The following UTRN variants were observed in gnomAD, a reference collection of about 807,000 sequenced individuals.
UTRN encodes the protein utrophin.
UTRN carries 283 observed loss-of-function variants against 463.9 expected under a neutral mutation model. That is an observed-to-expected ratio of 0.61 (90% confidence interval 0.55 to 0.67). The LOEUF is 0.67. Among genes scored for constraint, UTRN ranks in the 30% least tolerant of loss-of-function variants. The pLI is 0.00. For missense variants in UTRN, 3,922 were observed against 4,084.3 expected (o/e 0.96, Z 1.08); for synonymous variants, 1,442 against 1,431.5 (o/e 1.01, Z -0.17).
intron 51 of UTRN, among the ~76,000 whole-genome samples, chr6:144,657,909 T>C (rs897997847): frequency 1.3e-5 from 2 of 152,126 alleles, no homozygotes; most frequent in African/African-American, 2.4e-5. Context: ...GTGGTGGTGA[T>C]GGTGCTGGTG....
At chr6:144,846,211 G>A (rs899526938) in intron 73 of UTRN, among the ~76,000 whole-genome samples, 3 of 152,230 alleles carry the variant, frequency 2.0e-5, no homozygotes, top group Admixed American at 1.3e-4. Context: ...TGTGTGGAAA[G>A]GAGAATTAGA....
chr6:144,333,924 C>T (rs1407895753), intron 2 of UTRN, among the ~76,000 whole-genome samples: 2 of 152,052 alleles, frequency 1.3e-5, no homozygotes, highest in Admixed American at 1.3e-4. Context: ...AATATTTATC[C>T]ACCCACCTAC....
intron 54 of UTRN, among the ~76,000 whole-genome samples, chr6:144,743,584 C>A (rs1284778872): frequency 6.6e-6 from 1 of 152,148 alleles, no homozygotes; most frequent in Non-Finnish European, 1.5e-5. Context: ...CTGGGCAGGT[C>A]AAGTAACTGG....
In UTRN at chr6:144,678,390, G is replaced by A. The variant is rs372191758; in HGVS notation, c.7480-16G>A. The A allele has an allele frequency of 1.9e-6, 3 of 1,605,634 alleles. No individual in the cohort carries two copies. The highest frequency in any genetic ancestry group is 2.6e-6 in the Non-Finnish European group (3 of 1,174,888). On this transcript the variant is annotated splice_polypyrimidine_tract_variant and intron_variant, in intron 51 of 74. Transcript: ENST00000367545. ...TTCCTAACACTTGCATTATCTATTT[G>A]CTTTTTTCTGTTTAGGACATCCAGG... is the stretch of plus-strand genomic sequence containing the variant.
intron 51 of UTRN, among the ~76,000 whole-genome samples, chr6:144,599,335 G>A (rs1294233067): frequency 1.3e-5 from 2 of 152,144 alleles, no homozygotes; most frequent in African/African-American, 2.4e-5. Context: ...TCTTTAAGAG[G>A]TTAAACAAAT....
chr6:144,305,044 G>A (rs1805598649), intron 2 of UTRN, among the ~76,000 whole-genome samples: 1 of 151,216 alleles, frequency 6.6e-6, no homozygotes, highest in Non-Finnish European at 1.5e-5. Flanking sequence ...CAATTCTTGT[G>A]CCTCAGCCAC....
rs1792712863 is a variant in UTRN, at chr6:144,488,573, A to G, written c.3973-100A>G. ...TTTATAAAGAAAGCTAAAGTCTTGG[A>G]TGAAAGCTTTTATGGTCTTTTCTTA... On this transcript the variant is annotated intron_variant, in intron 29 of 74. Coordinates refer to ENST00000367545, the MANE Select transcript of UTRN (RefSeq NM_007124.3). 1.4e-5 allele frequency: 16 copies of G among 1,179,716 alleles called. 1 individual carries two copies. The highest frequency in any genetic ancestry group is 1.7e-5 in the Non-Finnish European group (15 of 866,594). 73.1% of individuals were successfully genotyped at this position (1,179,716 alleles called of 1,614,324 possible).
At chr6:144,791,142 CT>C (rs1776723620) in intron 62 of UTRN, among the ~76,000 whole-genome samples, 1 of 152,206 alleles carries the variant, frequency 6.6e-6, no homozygotes, top group African/African-American at 2.4e-5. Flanking sequence ...CTTCACCACT[CT>C]GATTCCAGTT....
intron 26 of UTRN, among the ~76,000 whole-genome samples, chr6:144,480,377 A>T (rs942342238): frequency 6.6e-6 from 1 of 152,328 alleles, no homozygotes; most frequent in African/African-American, 2.4e-5. Context: ...CATTAATTGC[A>T]TTCATCACTA....
In UTRN at chr6:144,744,620, CACACACACAT is replaced by C. The variant is rs1426106000; in HGVS notation, c.7940-3616_7940-3607del. ...GACAGGGCATACACACACACACACA[CACACACACAT>C]ACACACACACACACACACACACTTT... On this transcript the variant is annotated intron_variant, in intron 54 of 74. Transcript: ENST00000367545. Among the ~76,000 whole-genome samples, 1,482 of 62,294 alleles carry C rather than the reference CACACACACAT, an allele frequency of 0.024. 47 individuals are homozygous for C. The East Asian group carries it at 0.45, about 19-fold the overall frequency. 40.9% of individuals were successfully genotyped at this position (62,294 alleles called of 152,430 possible). A position where few individuals can be genotyped will look rare whatever the true frequency, so the allele number is the denominator to read the frequency against.
At chr6:144,630,469 C>T (rs367960862) in intron 51 of UTRN, among the ~76,000 whole-genome samples, 40 of 152,250 alleles carry the variant, frequency 2.6e-4, no homozygotes, top group East Asian at 1.2e-3. Context: ...TCTTGCATGG[C>T]GGTGGGCCAG....
chr6:144,575,641 CAAT>C (rs774921279), intron 50 of UTRN, among the ~76,000 whole-genome samples: 11 of 152,190 alleles, frequency 7.2e-5, no homozygotes, highest in Non-Finnish European at 1.0e-4. Context: ...TTATTATCAT[CAAT>C]GTCTTACTGT....
intron 9 of UTRN, among the ~76,000 whole-genome samples, chr6:144,431,359 T>A (rs1368416905): frequency 6.6e-6 from 1 of 152,206 alleles, no homozygotes; most frequent in Non-Finnish European, 1.5e-5. Flanking sequence ...AGTGCAAGTG[T>A]ATTAACACCT....
chr6:144,336,154 C>G (rs1472655766), intron 2 of UTRN, among the ~76,000 whole-genome samples: 1 of 152,130 alleles, frequency 6.6e-6, no homozygotes, highest in African/African-American at 2.4e-5. Flanking sequence ...GGCTGAGATG[C>G]CTACAGGTGT....
intron 73 of UTRN, among the ~76,000 whole-genome samples, chr6:144,845,727 T>C (rs1781954110): frequency 6.6e-6 from 1 of 152,190 alleles, no homozygotes; most frequent in South Asian, 2.1e-4. Context: ...AGCTATCCCT[T>C]GGACACTGTG....
intron 65 of UTRN, among the ~76,000 whole-genome samples, chr6:144,804,368 A>G (rs1465562983): frequency 6.6e-6 from 1 of 152,322 alleles, no homozygotes; most frequent in East Asian, 1.9e-4. Flanking sequence ...GACATCATTT[A>G]TTACTATTAT....
In UTRN at chr6:144,678,595, T is replaced by C; in HGVS notation, c.7652+17T>C. 1.9e-6 allele frequency: 3 copies of C among 1,571,312 alleles called. No individual in the cohort carries two copies. Among genetic ancestry groups the C allele is most frequent in the Non-Finnish European group, 2.6e-6 (3 of 1,152,774 alleles). On this transcript the variant is annotated intron_variant, in intron 52 of 74. Coordinates refer to ENST00000367545, the MANE Select transcript of UTRN (RefSeq NM_007124.3). ...TAGCATCAGGTCAGAATAGTCAATA[T>C]CAAAATAAAAATAATGGGGTGGAAG...
chr6:144,804,499 C>G (rs1035184525), intron 65 of UTRN, among the ~76,000 whole-genome samples: 2 of 152,166 alleles, frequency 1.3e-5, no homozygotes, highest in Non-Finnish European at 2.9e-5. Flanking sequence ...CAATAATATA[C>G]TGATTATGCA....
intron 53 of UTRN, among the ~76,000 whole-genome samples, chr6:144,721,174 A>C (rs1387848843): frequency 6.6e-6 from 1 of 152,210 alleles, no homozygotes; most frequent in African/African-American, 2.4e-5. Flanking sequence ...ACCTCAGAGC[A>C]TGCGACTTCT....
Sources: gnomAD v4.1 joint callset for allele counts (sites outside exome capture counted in the v4.1 genomes callset) on GRCh38, gnomAD v4.1.1 for gene constraint, MANE v1.5 for transcripts, NCBI Gene and HGNC (gene_info 2026-07-23, HGNC 2026-07-21) for gene names.